CCND2: variants seen among roughly 807,000 people sequenced by gnomAD.
CCND2 encodes G1/S-specific cyclin-D2.
CCND2 carries 6 observed loss-of-function variants against 30.2 expected under a neutral mutation model. That is an observed-to-expected ratio of 0.20 (90% CI 0.11 to 0.39). The LOEUF (loss-of-function observed/expected upper bound fraction) is 0.39, where lower values mean the gene tolerates loss of function less well. Among genes scored for constraint, CCND2 ranks in the 10% least tolerant of loss-of-function variants. CCND2 has a pLI of 1.00. For missense variants in CCND2, 235 were observed against 373.4 expected (o/e 0.63, Z 3.06); for synonymous variants, 150 against 153.1 (o/e 0.98, Z 0.15).
chr12:4,277,786 G>C (rs1863894250), intron 2 of CCND2, among the ~76,000 whole-genome samples: 1 of 152,264 alleles, frequency 6.6e-6, no homozygotes, highest in African/African-American at 2.4e-5. Context: ...GTGAATGGGA[G>C]AGAGGGTGCA....
At chr12:4,286,787 G>A (rs1300321020) in intron 3 of CCND2, among the ~76,000 whole-genome samples, 2 of 152,242 alleles carry the variant, frequency 1.3e-5, no homozygotes, top group Non-Finnish European at 2.9e-5. Flanking sequence ...ATAAGAGTTG[G>A]TTTTGCTAGC....
chr12:4,285,338 G>A lies in CCND2; in HGVS notation c.572-3504G>A. ...CCAGGTGGGCAATTAACGATGGCGA[G>A]GGCACACCCTCACCCCTGAGCGTGC... On this transcript the variant is annotated intron_variant, in intron 3 of 4. Transcript: ENST00000261254. The surrounding 1 kb of genome is among the most constrained non-coding windows in gnomAD (Gnocchi z 4.1). 2 of 985,366 alleles carry A rather than the reference G, an allele frequency of 2.0e-6. No individual in the cohort carries two copies. Among genetic ancestry groups the A allele is most frequent in the Non-Finnish European group, 2.4e-6 (2 of 829,906 alleles). The allele number at this position is 985,366 out of a possible 1,614,324, so 61.0% of individuals were successfully genotyped here. A position where few individuals can be genotyped will look rare whatever the true frequency, so the allele number is the denominator to read the frequency against.
chr12:4,279,981 C>T (rs987216040), intron 3 of CCND2, among the ~76,000 whole-genome samples: 1 of 151,356 alleles, frequency 6.6e-6, no homozygotes, highest in Non-Finnish European at 1.5e-5. Context: ...ATATAACGTA[C>T]GATGTAGTGC....
intron 4 of CCND2, among the ~76,000 whole-genome samples, chr12:4,296,091 G>A (rs1207904601): frequency 1.3e-5 from 2 of 152,228 alleles, no homozygotes; most frequent in African/African-American, 4.8e-5. Context: ...AGCAGAAAAA[G>A]TGGGGACACT....
chr12:4,297,786 G>A (rs900500663), intron 4 of CCND2: 10 of 442,326 alleles, frequency 2.3e-5, no homozygotes, highest in African/African-American at 6.0e-5. Flanking sequence ...TAAGGGTAAG[G>A]GATGTAACCA....
At chr12:4,275,855 T>G in intron 1 of CCND2, 150 bp from the exon 2 acceptor site, 1 of 569,816 alleles carries the variant, frequency 1.8e-6, no homozygotes, top group African/African-American at 1.9e-5. Context: ...TGTTCTTTAT[T>G]CTTATCACGC....
rs61152953 is a variant in CCND2, at chr12:4,305,000, CTT to C, written c.*5001_*5002del. 1.2e-3 allele frequency: 243 copies of C among 203,804 alleles called. 1 individual carries two copies. The highest frequency in any genetic ancestry group is 3.9e-3 in the East Asian group (56 of 14,526). The allele number at this position is 203,804 out of a possible 1,614,324, so 12.6% of individuals were successfully genotyped here. On this transcript the variant is annotated 3_prime_UTR_variant, in exon 5 of 5. Transcript: ENST00000261254. The surrounding 1 kb of genome is among the most constrained non-coding windows in gnomAD (Gnocchi z 6.2). ...GGACTTTTTTTTTTCTTTTCTTTTT[CTT>C]TTTTTTTTTGCTTTAAAACAAGTGT...
At chr12:4,288,741 G>T in intron 3 of CCND2, 101 bp from the exon 4 acceptor site, 1 of 1,202,394 alleles carries the variant, frequency 8.3e-7, no homozygotes, top group Non-Finnish European at 1.2e-6. Context: ...CACTCGCGCC[G>T]CTGACCTGCT....
Position 4,275,991 on chromosome 12 carries a change from CA to C in CCND2, c.196-13del. The C allele has an allele frequency of 2.0e-6, 3 of 1,506,228 alleles. No individual in the cohort carries two copies. The allele number at this position is 1,506,228 out of a possible 1,614,324, so 93.3% of individuals were successfully genotyped here. A position where few individuals can be genotyped will look rare whatever the true frequency, so the allele number is the denominator to read the frequency against. Reference sequence around the variant, plus strand: ...CCACCCCCGCCCCCCAACCCTTTCCCACTCCCATTATAGGTCTGTGAGGAAC... The same window carrying C: ...CCACCCCCGCCCCCCAACCCTTTCCCCTCCCATTATAGGTCTGTGAGGAAC... On this transcript the variant is annotated splice_polypyrimidine_tract_variant and intron_variant, in intron 1 of 4. Transcript: ENST00000261254.
Position 4,273,953 on chromosome 12 carries a change from C to G in CCND2, c.-88C>G. On this transcript the variant is annotated 5_prime_UTR_variant, in exon 1 of 5. Coordinates refer to ENST00000261254, the MANE Select transcript of CCND2 (RefSeq NM_001759.4). The surrounding 1 kb of genome is among the most constrained non-coding windows in gnomAD (Gnocchi z 5.9). ...CCAAAGGAAGGAGGTCAGGGGAACG[C>G]TCTCCCCTCCCCTTCCAAAAAACAA... 7.6e-7 allele frequency: 1 copy of G among 1,312,902 alleles called. No homozygotes were observed. The highest frequency in any genetic ancestry group is 1.0e-6 in the Non-Finnish European group (1 of 960,562). The allele number at this position is 1,312,902 out of a possible 1,614,324, so 81.3% of individuals were successfully genotyped here.
At position 4,299,835 on chromosome 12, in the gene CCND2, A is replaced by G. The variant is rs751892572; in HGVS notation, c.721-25A>G. On this transcript the variant is annotated intron_variant, in intron 4 of 4. Transcript: ENST00000261254. This position sits in a 1 kb window ranked among gnomAD's most constrained non-coding sequence, Gnocchi z 5.2. The stretch of plus-strand genomic sequence containing the variant: ...CTATGTCCTGTTCCTCTTACTAACA[A>G]CTCTGGTCTGGACCATTGTTCTAGG... The G allele has an allele frequency of 1.9e-6, 3 of 1,606,648 alleles. No homozygotes were observed. Among genetic ancestry groups the G allele is most frequent in the Non-Finnish European group, 2.6e-6 (3 of 1,174,850 alleles).
intron 4 of CCND2, among the ~76,000 whole-genome samples, chr12:4,291,378 G>T (rs1864099331): frequency 6.6e-6 from 1 of 152,150 alleles, no homozygotes; most frequent in African/African-American, 2.4e-5. Context: ...TGCTTCCTGA[G>T]CTCTGTTTAC....
rs3217932 is a variant in CCND2 at position 4,303,292 on chromosome 12, C to A, written c.*3283C>A. ...GGGTTGTTAGGCTTTTCTGCCTGCT[C>A]CTGCTTAAACACAAGAAGGAATCCT... On this transcript the variant is annotated 3_prime_UTR_variant, in exon 5 of 5. Transcript: ENST00000261254. The surrounding 1 kb of genome is among the most constrained non-coding windows in gnomAD (Gnocchi z 4.6). 172 of 233,350 alleles carry A rather than the reference C, an allele frequency of 7.4e-4. 1 individual carries two copies. In the South Asian group the frequency reaches 0.03, roughly 40 times the overall value. 14.5% of individuals were successfully genotyped at this position (233,350 alleles called of 1,614,324 possible).
At chr12:4,279,868 C>T (rs74645081) in intron 3 of CCND2, among the ~76,000 whole-genome samples, 1,693 of 151,464 alleles carry the variant, frequency 0.011, 40 homozygotes, top group African/African-American at 0.038. Context: ...TGTGCTTCAC[C>T]TCAAATTTGC....
intron 3 of CCND2, among the ~76,000 whole-genome samples, chr12:4,288,587 A>G (rs1464218660): frequency 6.6e-6 from 1 of 152,142 alleles, no homozygotes; most frequent in South Asian, 2.1e-4. Flanking sequence ...TCCTCTGTGC[A>G]TTCATTGTGT....
At chr12:4,291,207 CTGTGTGTG>C (rs1320194012) in intron 4 of CCND2, among the ~76,000 whole-genome samples, 2,531 of 138,806 alleles carry the variant, frequency 0.018, 34 homozygotes, top group Middle Eastern at 0.039. Flanking sequence ...CTGGGCTAGG[CTGTGTGTG>C]TGTGTGTGTG....
rs1864221909 is a variant in CCND2 at position 4,299,753 on chromosome 12, G to A, written c.721-107G>A. Reference sequence around the variant, plus strand: ...CCTTTACTTCACATTTATTTCTACTGGAAACTAGCACAGACTTATGCAAGC... The same window carrying A: ...CCTTTACTTCACATTTATTTCTACTAGAAACTAGCACAGACTTATGCAAGC... On this transcript the variant is annotated intron_variant, in intron 4 of 4. Transcript: ENST00000261254. This position sits in a 1 kb window ranked among gnomAD's most constrained non-coding sequence, Gnocchi z 5.2. 5 of 1,099,956 alleles carry A rather than the reference G, an allele frequency of 4.5e-6. No homozygotes were observed. The highest frequency in any genetic ancestry group is 6.5e-6 in the Non-Finnish European group (5 of 770,004). 68.1% of individuals were successfully genotyped at this position (1,099,956 alleles called of 1,614,324 possible).
At chr12:4,295,466 C>T (rs569371188) in intron 4 of CCND2, among the ~76,000 whole-genome samples, 26 of 152,268 alleles carry the variant, frequency 1.7e-4, no homozygotes, top group African/African-American at 5.8e-4. Flanking sequence ...ATCTTCCAGT[C>T]AGAGGGGTCA....
At chr12:4,290,344 G>A (rs1864082898) in intron 4 of CCND2, among the ~76,000 whole-genome samples, 1 of 152,184 alleles carries the variant, frequency 6.6e-6, no homozygotes, top group South Asian at 2.1e-4. Flanking sequence ...TTTTAAACGA[G>A]GACTCCAGAA....
Sources: gnomAD v4.1 joint callset for allele counts (sites outside exome capture counted in the v4.1 genomes callset) on GRCh38, gnomAD v4.1.1 for gene constraint, Gnocchi (gnomAD v3.1) non-coding constraint, MANE v1.5 for transcripts, NCBI Gene and HGNC (gene_info 2026-07-23, HGNC 2026-07-21) for gene names.